Variants in PJA2 observed in about 807,000 individuals in gnomAD.
The protein encoded by PJA2 is praja ring finger ubiquitin ligase 2.
In PJA2, 25 loss-of-function variants were observed where a neutral mutation model predicts 69.3. The ratio of observed to expected loss-of-function variants is 0.36; its 90% CI spans 0.26 to 0.50. The LOEUF is 0.50. PJA2 is among the 20% of genes least tolerant of loss of function. The probability of loss-of-function intolerance (pLI) is 0.96; values close to 1 mark genes in which losing one functional copy is unlikely to be tolerated. For missense variants in PJA2, 809 were observed against 830.2 expected (o/e 0.97, Z 0.31); for synonymous variants, 308 against 277.8 (o/e 1.11, Z -1.08).
At chr5:109,370,134 C>T (rs985941914) in intron 4 of PJA2, among the ~76,000 whole-genome samples, 7 of 151,516 alleles carry the variant, frequency 4.6e-5, no homozygotes, top group Non-Finnish European at 1.0e-4. Context: ...AAGAATTAGT[C>T]CTCTTATGCT....
intron 1 of PJA2, among the ~76,000 whole-genome samples, chr5:109,392,266 A>T (rs1747299158): frequency 6.6e-6 from 1 of 152,148 alleles, no homozygotes; most frequent in Non-Finnish European, 1.5e-5. Flanking sequence ...TAGGATAGAA[A>T]AAGTGTCAAA....
chr5:109,357,818 A>G (rs1034691079), intron 6 of PJA2, among the ~76,000 whole-genome samples: 1 of 152,204 alleles, frequency 6.6e-6, no homozygotes, highest in Non-Finnish European at 1.5e-5. Context: ...AACAACATAA[A>G]TTGTGTCTTC....
rs182034289 is a variant in PJA2, at chr5:109,389,398, C to T, written c.-87-5878G>A. The stretch of plus-strand genomic sequence containing the variant: ...AAACTGTGTTTTTCAGGGATTATGA[C>T]CTTTCATTCAAGTTGTCAAATGTAT... On this transcript the variant is annotated intron_variant, in intron 1 of 9. Transcript: ENST00000361189. Among the ~76,000 whole-genome samples, 3 of 152,144 alleles carry T rather than the reference C, an allele frequency of 2.0e-5. No individual in the cohort carries two copies. In the East Asian group the frequency reaches 5.8e-4, roughly 29 times the overall value.
In PJA2 at chr5:109,342,982, G is replaced by A. The variant is rs1410194025; in HGVS notation, c.2001+1208C>T. On this transcript the variant is annotated intron_variant, in intron 9 of 9. Coordinates refer to ENST00000361189, the MANE Select transcript of PJA2 (RefSeq NM_014819.5). Reference sequence around the variant, plus strand: ...TGGGAGGTGAGGAGCCCCTCTGCCCGGCCACCACCCCGTCTGGGAGGTGTG... The same window carrying A: ...TGGGAGGTGAGGAGCCCCTCTGCCCAGCCACCACCCCGTCTGGGAGGTGTG... Among the ~76,000 whole-genome samples, 33 of 93,904 alleles carry A rather than the reference G, an allele frequency of 3.5e-4. No individual in the cohort carries two copies. In the East Asian group the frequency reaches 6.4e-3, roughly 18 times the overall value. 61.6% of individuals were successfully genotyped at this position (93,904 alleles called of 152,430 possible). A position where few individuals can be genotyped will look rare whatever the true frequency, so the allele number is the denominator to read the frequency against.
At chr5:109,346,121 G>A (rs1762169390) in intron 7 of PJA2, among the ~76,000 whole-genome samples, 1 of 152,134 alleles carries the variant, frequency 6.6e-6, no homozygotes, top group Non-Finnish European at 1.5e-5. Flanking sequence ...GACTGCACGA[G>A]TATCCTTCTG....
At chr5:109,341,985 C>T (rs1416959661) in intron 9 of PJA2, among the ~76,000 whole-genome samples, 5 of 128,230 alleles carry the variant, frequency 3.9e-5, no homozygotes, top group Non-Finnish European at 5.2e-5. Context: ...CCAGCCGCCC[C>T]GTCCGGGAGG....
intron 3 of PJA2, among the ~76,000 whole-genome samples, chr5:109,380,990 C>T (rs1274913020): frequency 6.6e-6 from 1 of 151,754 alleles, no homozygotes; most frequent in Non-Finnish European, 1.5e-5. Flanking sequence ...TGACAAACAC[C>T]TGTAATCCCA....
intron 1 of PJA2, among the ~76,000 whole-genome samples, chr5:109,408,166 A>T (rs980667315): frequency 6.6e-6 from 1 of 152,212 alleles, no homozygotes; most frequent in Non-Finnish European, 1.5e-5. Context: ...AATTGTTAAC[A>T]GTGGCTGACA....
rs571264213 is a variant in PJA2 at position 109,375,526 on chromosome 5, A to T, written c.1283+2678T>A. On this transcript the variant is annotated intron_variant, in intron 4 of 9. Coordinates refer to ENST00000361189, the MANE Select transcript of PJA2 (RefSeq NM_014819.5). The stretch of plus-strand genomic sequence containing the variant: ...CTGTCTCGAAATAAATAAATAAAAA[A>T]TAAAAAAATAAAAATGCCACAATGA... Among the ~76,000 whole-genome samples the T allele has an allele frequency of 1.2e-4, 18 of 152,308 alleles. No homozygotes were observed. In the South Asian group the frequency reaches 3.7e-3, roughly 32 times the overall value.
In PJA2 at chr5:109,407,705, A is replaced by G. The variant is rs1355347369; in HGVS notation, c.-88+2137T>C. On this transcript the variant is annotated intron_variant, in intron 1 of 9. Transcript: ENST00000361189. ...AACTCAAAAGTTTTGCTATAACCAG[A>G]GAAAACAGAGAGAGAGAAATGTTAC... Among the ~76,000 whole-genome samples the G allele has an allele frequency of 3.3e-5, 5 of 152,300 alleles. No homozygotes were observed. In the East Asian group the frequency reaches 9.6e-4, roughly 29 times the overall value.
chr5:109,385,632 T>A (rs1260009824), intron 1 of PJA2, among the ~76,000 whole-genome samples: 2 of 152,168 alleles, frequency 1.3e-5, no homozygotes, highest in African/African-American at 2.4e-5. Flanking sequence ...GTTGTCAGTG[T>A]ATAGATTATA....
chr5:109,394,138 C>T (rs940264020), intron 1 of PJA2, among the ~76,000 whole-genome samples: 17 of 146,956 alleles, frequency 1.2e-4, no homozygotes, highest in African/African-American at 3.8e-4. Context: ...ACATCCGCCT[C>T]CTGGGTTTAA....
At chr5:109,390,090 G>A (rs1302769247) in intron 1 of PJA2, among the ~76,000 whole-genome samples, 1 of 152,012 alleles carries the variant, frequency 6.6e-6, no homozygotes, top group East Asian at 1.9e-4. Context: ...TTCTATAAAT[G>A]TCAATTAGGT....
At chr5:109,373,021 G>A (rs550791093) in intron 4 of PJA2, among the ~76,000 whole-genome samples, 1 of 151,944 alleles carries the variant, frequency 6.6e-6, no homozygotes, top group East Asian at 1.9e-4. Context: ...TTGAACCCAG[G>A]AGGTGGAGGT....
rs773103187 is a variant in PJA2, at chr5:109,354,045, A to G, written c.1764+1870T>C. On this transcript the variant is annotated intron_variant, in intron 7 of 9. Coordinates refer to ENST00000361189, the MANE Select transcript of PJA2 (RefSeq NM_014819.5). Reference sequence around the variant, plus strand: ...CTATGATATCTAGAGATATCTATAGATTAGATATCTATGATATCTAGAGAT... The same window carrying G: ...CTATGATATCTAGAGATATCTATAGGTTAGATATCTATGATATCTAGAGAT... Among the ~76,000 whole-genome samples the G allele has an allele frequency of 7.6e-3, 987 of 130,492 alleles. 72 individuals carry two copies. The highest frequency in any genetic ancestry group is 0.022 in the African/African-American group (686 of 31,824). The allele number at this position is 130,492 out of a possible 152,430, so 85.6% of individuals were successfully genotyped here.
rs1761920956 is a variant in PJA2 at position 109,335,358 on chromosome 5, A to G, written c.*1873T>C. The G allele has an allele frequency of 6.5e-6, 1 of 152,674 alleles. No individual in the cohort carries two copies. Among genetic ancestry groups the G allele is most frequent in the Non-Finnish European group, 1.5e-5 (1 of 68,038 alleles). 9.5% of individuals were successfully genotyped at this position (152,674 alleles called of 1,614,324 possible). On this transcript the variant is annotated 3_prime_UTR_variant, in exon 10 of 10. Transcript: ENST00000361189. Reference sequence around the variant, plus strand: ...GTTCAGCTCTCAACATTGCTGGTTGAGTTTGGAACCAAAACCTCTTAACAA... The same window carrying G: ...GTTCAGCTCTCAACATTGCTGGTTGGGTTTGGAACCAAAACCTCTTAACAA...
intron 9 of PJA2, among the ~76,000 whole-genome samples, chr5:109,337,583 G>C (rs776568904): frequency 6.6e-6 from 1 of 151,960 alleles, no homozygotes; most frequent in Non-Finnish European, 1.5e-5. Context: ...ATTCATGTTC[G>C]TATCTTTAAG....
rs1348129397 is a variant in PJA2, at chr5:109,353,753, CTA to C, written c.1764+2160_1764+2161del. On this transcript the variant is annotated intron_variant, in intron 7 of 9. Coordinates refer to ENST00000361189, the MANE Select transcript of PJA2 (RefSeq NM_014819.5). The stretch of plus-strand genomic sequence containing the variant: ...ATATCTAGATATCTAGATTAGATAT[CTA>C]TGATATCTAGAGATATCTATAGATT... Among the ~76,000 whole-genome samples the C allele has an allele frequency of 4.8e-4, 54 of 113,374 alleles. 2 individuals are homozygous for C. Among genetic ancestry groups the C allele is most frequent in the Non-Finnish European group, 3.6e-4 (20 of 55,750 alleles). The allele number at this position is 113,374 out of a possible 152,430, so 74.4% of individuals were successfully genotyped here. A position where few individuals can be genotyped will look rare whatever the true frequency, so the allele number is the denominator to read the frequency against.
At chr5:109,344,061 C>CA (rs1451997542) in intron 9 of PJA2, 129 bp downstream of exon 9, 2 of 607,454 alleles carry the variant, frequency 3.3e-6, no homozygotes, top group Admixed American at 7.8e-5. Context: ...CGAACCACTG[C>CA]ACTCCAGCCT....
Sources: allele counts gnomAD v4.1 joint callset (sites outside exome capture counted in the v4.1 genomes callset), GRCh38; gene constraint gnomAD v4.1.1; transcripts MANE v1.5; gene names NCBI Gene and HGNC (gene_info 2026-07-23, HGNC 2026-07-21).